AGPS: variants seen among roughly 807,000 people sequenced by gnomAD.
AGPS encodes the protein alkyldihydroxyacetonephosphate synthase, peroxisomal.
Under a neutral mutation model 90.7 loss-of-function variants are expected in AGPS, and 26 were observed. The ratio of observed to expected loss-of-function variants is 0.29; its 90% CI spans 0.21 to 0.40. The LOEUF is 0.40. AGPS is among the 10% of genes least tolerant of loss of function. The probability of loss-of-function intolerance (pLI) is 1.00; values close to 1 mark genes in which losing one functional copy is unlikely to be tolerated. For synonymous variants in AGPS, 294 were observed against 285.3 expected, an observed-to-expected ratio of 1.03 and a Z score of -0.31; for missense variants, 540 against 816.1, an observed-to-expected ratio of 0.66 and a Z score of 4.12.
intron 1 of AGPS, among the ~76,000 whole-genome samples, chr2:177,397,405 A>C (rs1169152531): frequency 6.6e-6 from 1 of 151,684 alleles, no homozygotes; most frequent in Non-Finnish European, 1.5e-5. Flanking sequence ...TAGATCCTTA[A>C]AAATCATAGT....
chr2:177,472,214 C>G (rs1032549170), intron 10 of AGPS, among the ~76,000 whole-genome samples: 1 of 150,382 alleles, frequency 6.6e-6, no homozygotes, highest in Admixed American at 6.6e-5. Context: ...CACTTTTTCT[C>G]TGACCCTTTT....
At chr2:177,530,493 A>T (rs2079128876) in intron 19 of AGPS, among the ~76,000 whole-genome samples, 1 of 152,154 alleles carries the variant, frequency 6.6e-6, no homozygotes, top group Non-Finnish European at 1.5e-5. Flanking sequence ...CTTGATTTGC[A>T]CCCTGAACTT....
At chr2:177,393,341 A>G (rs919387488) in intron 1 of AGPS, 19 of 985,462 alleles carry the variant, frequency 1.9e-5, no homozygotes, top group Non-Finnish European at 2.3e-5. Context: ...TTTTAGTGCC[A>G]GGAATTCATT....
At chr2:177,460,388 A>G (rs1045706170) in intron 8 of AGPS, among the ~76,000 whole-genome samples, 1 of 152,196 alleles carries the variant, frequency 6.6e-6, no homozygotes, top group Admixed American at 6.5e-5. Flanking sequence ...ACTGTTTCCC[A>G]TCTGTGAAAA....
chr2:177,516,148 C>G (rs1382454011), intron 17 of AGPS, among the ~76,000 whole-genome samples: 4 of 151,966 alleles, frequency 2.6e-5, no homozygotes, highest in African/African-American at 9.7e-5. Context: ...CAAAGCTGTT[C>G]CAAAGTTATT....
intron 11 of AGPS, among the ~76,000 whole-genome samples, chr2:177,491,722 C>T (rs1422336823): frequency 6.7e-6 from 1 of 149,988 alleles, no homozygotes; most frequent in Non-Finnish European, 1.5e-5. Context: ...ATTAAATACC[C>T]ATAGAAATTT....
Position 177,414,092 on chromosome 2 carries a change from T to C in AGPS, c.261-6177T>C, listed in dbSNP as rs115562830. ...TTCCTGTGCCTCTGTTTAGAATTTTTCCCCTTTATACCTGTATATTACTTT... is the reference window on the plus strand; with the variant it reads ...TTCCTGTGCCTCTGTTTAGAATTTTCCCCCTTTATACCTGTATATTACTTT... On this transcript the variant is annotated intron_variant, in intron 1 of 19. Transcript: ENST00000264167. Among the ~76,000 whole-genome samples, 1,140 of 152,328 alleles carry C rather than the reference T, an allele frequency of 7.5e-3. 9 individuals are homozygous for C. The highest frequency in any genetic ancestry group is 0.026 in the African/African-American group (1,065 of 41,568).
At chr2:177,535,452 T>C (rs1402096455) in intron 19 of AGPS, among the ~76,000 whole-genome samples, 1 of 81,046 alleles carries the variant, frequency 1.2e-5, no homozygotes, top group African/African-American at 3.1e-5. Flanking sequence ...AATTTCTGAA[T>C]GCCCAGCAGT....
chr2:177,506,046 T>G (rs1365272809), intron 15 of AGPS, among the ~76,000 whole-genome samples: 3 of 151,954 alleles, frequency 2.0e-5, no homozygotes, highest in Admixed American at 2.0e-4. Context: ...CAAATGTTTC[T>G]AATTCTAGAT....
At chr2:177,460,868 A>C (rs957307420) in intron 8 of AGPS, among the ~76,000 whole-genome samples, 1 of 152,236 alleles carries the variant, frequency 6.6e-6, no homozygotes, top group African/African-American at 2.4e-5. Context: ...GTCTTTTAAA[A>C]TCTTGTTTTC....
intron 1 of AGPS, among the ~76,000 whole-genome samples, chr2:177,400,544 T>G (rs1286130202): frequency 6.6e-6 from 1 of 152,212 alleles, no homozygotes; most frequent in Non-Finnish European, 1.5e-5. Flanking sequence ...GTAACTGCAG[T>G]TACTTTTGAT....
At chr2:177,482,910 A>G (rs1466438240) in intron 11 of AGPS, among the ~76,000 whole-genome samples, 2 of 152,094 alleles carry the variant, frequency 1.3e-5, no homozygotes, top group African/African-American at 4.8e-5. Flanking sequence ...ACTGTCTATG[A>G]ATAATTCTTA....
At chr2:177,515,098 C>T (rs976819942) in intron 17 of AGPS, among the ~76,000 whole-genome samples, 1 of 150,988 alleles carries the variant, frequency 6.6e-6, no homozygotes, top group Non-Finnish European at 1.5e-5. Context: ...AAAAAGCTTA[C>T]AATGGGATTA....
At chr2:177,407,821 G>A (rs904988815) in intron 1 of AGPS, among the ~76,000 whole-genome samples, 4 of 149,558 alleles carry the variant, frequency 2.7e-5, no homozygotes, top group Admixed American at 6.6e-5. Context: ...AAAAAAAGAG[G>A]TGGGGTTTTG....
intron 10 of AGPS, among the ~76,000 whole-genome samples, chr2:177,477,486 G>T (rs2105687898): frequency 6.6e-6 from 1 of 152,172 alleles, no homozygotes; most frequent in Non-Finnish European, 1.5e-5. Context: ...GAGACTTCTT[G>T]ATCACTGACT....
intron 1 of AGPS, among the ~76,000 whole-genome samples, chr2:177,401,125 A>C (rs1685318022): frequency 6.6e-6 from 1 of 152,058 alleles, no homozygotes; most frequent in Non-Finnish European, 1.5e-5. Flanking sequence ...CTGACTTTTA[A>C]ATTTTGTTTA....
At chr2:177,403,169 C>T (rs1305087755) in intron 1 of AGPS, among the ~76,000 whole-genome samples, 1 of 152,168 alleles carries the variant, frequency 6.6e-6, no homozygotes, top group Non-Finnish European at 1.5e-5. Context: ...TTTTTGCCTA[C>T]TGGGACATGT....
chr2:177,534,557 A>G (rs1200089238), intron 19 of AGPS, among the ~76,000 whole-genome samples: 1 of 99,064 alleles, frequency 1.0e-5, no homozygotes, highest in Non-Finnish European at 1.9e-5. Context: ...CCCCCGCCCC[A>G]TTAGTTTTCT....
chr2:177,453,646 TTATAAC>T (rs958214595), intron 8 of AGPS, among the ~76,000 whole-genome samples: 3 of 151,362 alleles, frequency 2.0e-5, no homozygotes, highest in Non-Finnish European at 4.4e-5. Flanking sequence ...GTGTTCTTCT[TTATAAC>T]TATAATACCA....
Sources: gnomAD v4.1 joint callset for allele counts (sites outside exome capture counted in the v4.1 genomes callset) on GRCh38, gnomAD v4.1.1 for gene constraint, MANE v1.5 for transcripts, NCBI Gene and HGNC (gene_info 2026-07-23, HGNC 2026-07-21) for gene names.